The following BLTP1 variants were observed in gnomAD, a reference collection of about 807,000 sequenced individuals.
BLTP1 encodes the protein bridge-like lipid transfer protein family member 1.
At chr4:122,237,178 A>C in the BLTP1 span, 1 of 985,222 alleles carries the variant, frequency 1.0e-6, no homozygotes, top group Non-Finnish European at 1.2e-6. Context: ...GTTTTTTTCC[A>C]TTAGCGGATT....
At chr4:122,280,037 C>T in the BLTP1 span, 5 of 1,608,016 alleles carry the variant, frequency 3.1e-6, no homozygotes, top group South Asian at 4.4e-5. Context: ...TCAGGGTATT[C>T]TTTGCTGCAT....
the BLTP1 span, chr4:122,347,410 GA>G: frequency 1.4e-6 from 2 of 1,382,988 alleles, no homozygotes; most frequent in African/African-American, 2.9e-5. Flanking sequence ...TAGAGAACTA[GA>G]AGGAATATGT....
At chr4:122,166,456 A>G in the BLTP1 span, among the ~76,000 whole-genome samples, 2 of 152,038 alleles carry the variant, frequency 1.3e-5, no homozygotes, top group South Asian at 2.1e-4. Context: ...TACCAGTACC[A>G]TGCTGTTTTG....
At chr4:122,342,552 C>T in the BLTP1 span, among the ~76,000 whole-genome samples, 1 of 152,042 alleles carries the variant, frequency 6.6e-6, no homozygotes. Flanking sequence ...GATGGGGTTT[C>T]ACCACATTGG....
the BLTP1 span, chr4:122,205,785 TACACAC>T: frequency 6.0e-3 from 880 of 147,496 alleles, 2 homozygotes; most frequent in Non-Finnish European, 9.5e-3. Context: ...CTCTGTCACA[TACACAC>T]ACACACACAC....
the BLTP1 span, chr4:122,325,816 G>GTTTT: frequency 3.3e-5 from 26 of 786,008 alleles, no homozygotes; most frequent in South Asian, 9.4e-5. Flanking sequence ...TTTTTCATGA[G>GTTTT]TTTTTTTTTT....
chr4:122,299,363 CAG>C, the BLTP1 span, among the ~76,000 whole-genome samples: 3 of 152,066 alleles, frequency 2.0e-5, no homozygotes, highest in Admixed American at 2.0e-4. Context: ...TAAATAAGAA[CAG>C]AATGTAAGTG....
chr4:122,152,373 C>G, the BLTP1 span: 1 of 985,858 alleles, frequency 1.0e-6, no homozygotes. Context: ...CCCTCCTCCT[C>G]CGCCCCCTTG....
the BLTP1 span, among the ~76,000 whole-genome samples, chr4:122,213,934 AAAAT>A: frequency 3.5e-4 from 53 of 152,312 alleles, no homozygotes; most frequent in African/African-American, 1.2e-3. Flanking sequence ...TTAATGAAGA[AAAAT>A]AAATCTTTTT....
At chr4:122,252,372 G>C in the BLTP1 span, among the ~76,000 whole-genome samples, 4 of 152,188 alleles carry the variant, frequency 2.6e-5, no homozygotes, top group African/African-American at 9.7e-5. Flanking sequence ...TCAGGACATG[G>C]CTCCTGGATG....
chr4:122,220,211 T>C, the BLTP1 span: 1 of 1,044,440 alleles, frequency 9.6e-7, no homozygotes, highest in Non-Finnish European at 1.4e-6. Flanking sequence ...TCAGTAATCA[T>C]AGTTTCTCTG....
the BLTP1 span, chr4:122,339,347 C>T: frequency 6.2e-7 from 1 of 1,613,280 alleles, no homozygotes; most frequent in Admixed American, 1.7e-5. Context: ...AGACTTTATC[C>T]CCTGGAGGTA....
At chr4:122,354,652 A>C in the BLTP1 span, among the ~76,000 whole-genome samples, 1 of 151,184 alleles carries the variant, frequency 6.6e-6, no homozygotes, top group African/African-American at 2.4e-5. Flanking sequence ...TTACATAAAA[A>C]TGACCTTTTT....
the BLTP1 span, chr4:122,348,727 T>A: frequency 5.1e-4 from 779 of 1,538,678 alleles, no homozygotes; most frequent in Non-Finnish European, 6.4e-4. Context: ...CGTAAGCTAT[T>A]CAGATACAAA....
chr4:122,339,923 T>A, the BLTP1 span, among the ~76,000 whole-genome samples: 1 of 152,188 alleles, frequency 6.6e-6, no homozygotes, highest in Non-Finnish European at 1.5e-5. Context: ...GTTTTGTTTT[T>A]AAAATATAAT....
chr4:122,250,785 A>T, the BLTP1 span, among the ~76,000 whole-genome samples: 1 of 152,184 alleles, frequency 6.6e-6, no homozygotes, highest in East Asian at 1.9e-4. Context: ...ATTTATATCC[A>T]TCATAGTCCT....
the BLTP1 span, among the ~76,000 whole-genome samples, chr4:122,233,302 T>C: frequency 6.6e-6 from 1 of 152,254 alleles, no homozygotes. Flanking sequence ...ACACGTGTTA[T>C]GCTATTTTAT....
At chr4:122,282,402 G>C in the BLTP1 span, among the ~76,000 whole-genome samples, 1 of 152,146 alleles carries the variant, frequency 6.6e-6, no homozygotes, top group Non-Finnish European at 1.5e-5. Flanking sequence ...AGTACTTTGG[G>C]AGGCTGAGGC....
the BLTP1 span, among the ~76,000 whole-genome samples, chr4:122,265,969 C>T: frequency 6.6e-6 from 1 of 152,224 alleles, no homozygotes; most frequent in South Asian, 2.1e-4. Flanking sequence ...GCTGGGATTA[C>T]AGGCATGAGC....
Sources: gnomAD v4.1 joint callset for allele counts (sites outside exome capture counted in the v4.1 genomes callset) on GRCh38, gnomAD v4.1.1 for gene constraint, MANE v1.5 for transcripts, NCBI Gene and HGNC (gene_info 2026-07-23, HGNC 2026-07-21) for gene names.